Variants in DHX32 observed in about 807,000 individuals in gnomAD.
DHX32 encodes the protein putative pre-mRNA-splicing factor ATP-dependent RNA helicase DHX32.
Under a neutral mutation model 70.0 loss-of-function variants are expected in DHX32, and 51 were observed. The ratio of observed to expected loss-of-function variants is 0.73; its 90% CI spans 0.58 to 0.92. The LOEUF (loss-of-function observed/expected upper bound fraction) is 0.92, where lower values mean the gene tolerates loss of function less well. DHX32 is among the 40% of genes least tolerant of loss of function. The pLI, the probability that DHX32 is intolerant of heterozygous loss-of-function variation, is 0.00. For synonymous variants in DHX32, 310 were observed against 315.3 expected (o/e 0.98, Z 0.18); for missense variants, 762 against 891.8 (o/e 0.85, Z 1.85).
chr10:125,846,125 G>A (rs1041208386), intron 6 of DHX32, among the ~76,000 whole-genome samples: 5 of 152,290 alleles, frequency 3.3e-5, no homozygotes, highest in South Asian at 2.1e-4. Flanking sequence ...TTCCTCAAGC[G>A]TAAGGGCATT....
intron 6 of DHX32, among the ~76,000 whole-genome samples, chr10:125,846,658 C>T (rs952579625): frequency 1.3e-4 from 20 of 152,162 alleles, no homozygotes; most frequent in African/African-American, 4.6e-4. Context: ...AAATTGTCCC[C>T]TTTTATAGGA....
intron 1 of DHX32, among the ~76,000 whole-genome samples, chr10:125,892,869 G>C (rs1165937622): frequency 3.9e-5 from 6 of 152,052 alleles, no homozygotes; most frequent in African/African-American, 1.5e-4. Context: ...CAAAATAATA[G>C]CTTCTGGTTT....
intron 2 of DHX32, among the ~76,000 whole-genome samples, chr10:125,861,922 T>C (rs10794028): frequency 0.38 from 57,743 of 150,548 alleles, 11,492 homozygotes; most frequent in Non-Finnish European, 0.45. Context: ...TTAACCTCTT[T>C]CAAGGAAAAA....
intron 10 of DHX32, 45 bp from the exon 11 acceptor site, chr10:125,836,900 G>A: frequency 6.4e-7 from 1 of 1,562,320 alleles, no homozygotes; most frequent in Non-Finnish European, 8.8e-7. Flanking sequence ...TGGGGAAGGT[G>A]GTGAGAGACA....
chr10:125,851,464 A>G (rs1417902684), intron 6 of DHX32, among the ~76,000 whole-genome samples: 2 of 152,194 alleles, frequency 1.3e-5, no homozygotes, highest in Non-Finnish European at 2.9e-5. Flanking sequence ...TTCTCCCTGC[A>G]TTTCTAGTCC....
At chr10:125,871,921 G>A (rs1420679398) in intron 1 of DHX32, among the ~76,000 whole-genome samples, 1 of 147,070 alleles carries the variant, frequency 6.8e-6, no homozygotes, top group Non-Finnish European at 1.5e-5. Context: ...GGAGTGCAAT[G>A]GCAGGATCTT....
chr10:125,874,638 T>C (rs1427397785), intron 1 of DHX32, among the ~76,000 whole-genome samples: 3 of 152,226 alleles, frequency 2.0e-5, no homozygotes, highest in African/African-American at 4.8e-5. Context: ...CAGGTAAAGA[T>C]AGTGTGAATA....
Position 125,836,453 on chromosome 10 carries a change from T to C in DHX32, c.*234A>G. 1 of 1,416,966 alleles carries C rather than the reference T, an allele frequency of 7.1e-7. No homozygotes were observed. 87.8% of individuals were successfully genotyped at this position (1,416,966 alleles called of 1,614,324 possible). A position where few individuals can be genotyped will look rare whatever the true frequency, so the allele number is the denominator to read the frequency against. On this transcript the variant is annotated 3_prime_UTR_variant, in exon 11 of 11. Transcript: ENST00000284690. ...CAGTTTTTTAAAATTTTGGTCAAATTATGAGTGGTTGATTTAAAAACTTTT... is the reference window on the plus strand; with the variant it reads ...CAGTTTTTTAAAATTTTGGTCAAATCATGAGTGGTTGATTTAAAAACTTTT...
At chr10:125,871,571 A>G (rs1315167441) in intron 1 of DHX32, among the ~76,000 whole-genome samples, 2 of 152,250 alleles carry the variant, frequency 1.3e-5, no homozygotes, top group East Asian at 3.9e-4. Flanking sequence ...CAGCCAGAAA[A>G]GAGGGAAACA....
At chr10:125,848,486 T>C (rs1355962228) in intron 6 of DHX32, among the ~76,000 whole-genome samples, 2 of 152,188 alleles carry the variant, frequency 1.3e-5, no homozygotes, top group Admixed American at 6.5e-5. Context: ...AGCTGTTTTG[T>C]CATATGTAAA....
intron 1 of DHX32, among the ~76,000 whole-genome samples, chr10:125,873,950 T>G (rs979753586): frequency 5.3e-5 from 8 of 152,352 alleles, no homozygotes; most frequent in African/African-American, 1.9e-4. Flanking sequence ...TCATATCTTT[T>G]TCACCTCACT....
At chr10:125,895,498 C>T (rs904909081) in intron 1 of DHX32, among the ~76,000 whole-genome samples, 18 of 152,160 alleles carry the variant, frequency 1.2e-4, no homozygotes, top group African/African-American at 4.3e-4. Context: ...TCTGGTGTTC[C>T]GGAACCTATG....
At chr10:125,883,107 A>C (rs1233792439), upstream of DHX32, among the ~76,000 whole-genome samples, 1 of 152,200 alleles carries the variant, frequency 6.6e-6, no homozygotes, top group Admixed American at 6.5e-5. Flanking sequence ...GTAAATTCTT[A>C]CTTATAAAGC....
chr10:125,869,912 C>CT (rs1248168406), intron 1 of DHX32, among the ~76,000 whole-genome samples: 1 of 152,068 alleles, frequency 6.6e-6, no homozygotes, highest in Non-Finnish European at 1.5e-5. Flanking sequence ...GGGCTTAGTG[C>CT]TAAGCATGGG....
At chr10:125,852,504 A>G (rs776899102) in intron 5 of DHX32, 39 bp downstream of exon 5, 4 of 1,613,268 alleles carry the variant, frequency 2.5e-6, no homozygotes, top group Non-Finnish European at 3.4e-6. Context: ...CCTGCATACA[A>G]GAATTGACAA....
intron 10 of DHX32, 121 bp downstream of exon 10, chr10:125,838,085 C>T (rs1408254459): frequency 1.3e-5 from 12 of 929,884 alleles, no homozygotes; most frequent in Middle Eastern, 6.7e-4. Flanking sequence ...GTACTGTCAA[C>T]GTAAATTAAG....
chr10:125,862,401 A>T (rs1944195627), intron 2 of DHX32, among the ~76,000 whole-genome samples: 1 of 152,146 alleles, frequency 6.6e-6, no homozygotes, highest in Non-Finnish European at 1.5e-5. Flanking sequence ...ACTTTGTGCA[A>T]GATGCCAACA....
chr10:125,853,078 G>A, intron 4 of DHX32: 1 of 1,360,774 alleles, frequency 7.3e-7, no homozygotes, highest in Non-Finnish European at 1.0e-6. Flanking sequence ...AATCATAACA[G>A]CTAATACAGA....
chr10:125,840,844 T>TA lies in DHX32; in HGVS notation c.1693+2dup. The TA allele has an allele frequency of 1.3e-6, 2 of 1,583,380 alleles. No individual in the cohort carries two copies. Among genetic ancestry groups the TA allele is most frequent in the Non-Finnish European group, 1.7e-6 (2 of 1,159,854 alleles). Reference sequence around the variant, plus strand: ...AATAGGTAGTTTCTGAGCATTCACTTACACTCACTGCTAGAATTCAGAGTT... The same window carrying TA: ...AATAGGTAGTTTCTGAGCATTCACTTAACACTCACTGCTAGAATTCAGAGTT... On this transcript the variant is annotated splice_region_variant and intron_variant, in intron 8 of 10. Transcript: ENST00000284690.
Sources: allele counts gnomAD v4.1 joint callset (sites outside exome capture counted in the v4.1 genomes callset), GRCh38; gene constraint gnomAD v4.1.1; transcripts MANE v1.5; gene names NCBI Gene and HGNC (gene_info 2026-07-23, HGNC 2026-07-21).